Variants in LIPA observed in about 807,000 individuals in gnomAD.
LIPA encodes lysosomal acid lipase/cholesteryl ester hydrolase.
Under a neutral mutation model 40.6 loss-of-function variants are expected in LIPA, and 26 were observed. The observed-to-expected ratio is 0.64, with a 90% CI of 0.47 to 0.89. The LOEUF is 0.89. Ranked by LOEUF, LIPA falls within the 40% of genes least tolerant of loss-of-function variation. LIPA has a pLI of 0.00. For synonymous variants in LIPA, 188 were observed against 168.4 expected (o/e 1.12, Z -0.90); for missense variants, 455 against 479.6 (o/e 0.95, Z 0.48).
At chr10:89,379,282 A>G (rs1844144041) in intron 2 of LIPA, among the ~76,000 whole-genome samples, 1 of 152,218 alleles carries the variant, frequency 6.6e-6, no homozygotes, top group South Asian at 2.1e-4. Context: ...GGTAGCAGAA[A>G]TGCAAATTCT....
chr10:89,407,046 C>T (rs1249499111), intron 2 of LIPA, among the ~76,000 whole-genome samples: 1 of 152,260 alleles, frequency 6.6e-6, no homozygotes, highest in African/African-American at 2.4e-5. Flanking sequence ...TCTCTAACAA[C>T]CCCCAACTCT....
chr10:89,218,284 A>G (rs1842653540), intron 8 of LIPA, among the ~76,000 whole-genome samples: 1 of 152,218 alleles, frequency 6.6e-6, no homozygotes, highest in Non-Finnish European at 1.5e-5. Context: ...CATCCTAAGA[A>G]AACACTCTAA....
At chr10:89,345,399 G>T (rs899766267), upstream of LIPA, among the ~76,000 whole-genome samples, 3 of 151,740 alleles carry the variant, frequency 2.0e-5, no homozygotes, top group African/African-American at 7.3e-5. Context: ...TGTGGTGATG[G>T]GTGCCTGTAA....
At chr10:89,232,516 T>C (rs571904541) in intron 3 of LIPA, among the ~76,000 whole-genome samples, 2 of 152,322 alleles carry the variant, frequency 1.3e-5, no homozygotes, top group South Asian at 2.1e-4. Flanking sequence ...GCCTCTGTAG[T>C]TAACACGGAA....
intron 1 of LIPA, among the ~76,000 whole-genome samples, chr10:89,322,608 C>T (rs59957944): frequency 0.042 from 6,141 of 147,544 alleles, 430 homozygotes; most frequent in African/African-American, 0.14. Context: ...GGCAGAGAGC[C>T]CCCCAGACAT....
chr10:89,230,697 A>C (rs1465733727), intron 3 of LIPA, among the ~76,000 whole-genome samples: 2 of 152,194 alleles, frequency 1.3e-5, no homozygotes, highest in African/African-American at 4.8e-5. Context: ...CATCTCCTAA[A>C]ATTAATATAA....
intron 2 of LIPA, among the ~76,000 whole-genome samples, chr10:89,390,796 T>C (rs2133609030): frequency 6.6e-6 from 1 of 152,358 alleles, no homozygotes; most frequent in South Asian, 2.1e-4. Flanking sequence ...AAACTTTTTG[T>C]TCATATCTCT....
chr10:89,271,707 G>T (rs528504834), intron 1 of LIPA, among the ~76,000 whole-genome samples: 6 of 152,300 alleles, frequency 3.9e-5, no homozygotes, highest in African/African-American at 1.4e-4. Context: ...ACCAGATAAG[G>T]AGTCATGACA....
rs1272556427 is a variant in LIPA at position 89,389,065 on chromosome 10, T to A, written c.61+23726A>T. ...CATACAGTGGTCAGAACACTGAGAA[T>A]TACATTCCTCAGAAAATAGGCTATA... On this transcript the variant is annotated intron_variant, in intron 2 of 8. Coordinates refer to the LIPA transcript ENST00000371837. Among the ~76,000 whole-genome samples, 4 of 152,316 alleles carry A rather than the reference T, an allele frequency of 2.6e-5. No individual in the cohort carries two copies. The East Asian group carries it at 7.7e-4, about 29-fold the overall frequency.
intron 1 of LIPA, among the ~76,000 whole-genome samples, chr10:89,296,801 C>G (rs1189244431): frequency 6.6e-6 from 1 of 152,120 alleles, no homozygotes; most frequent in Non-Finnish European, 1.5e-5. Context: ...CTATTATTTT[C>G]TTTTGGGCCT....
intron 1 of LIPA, among the ~76,000 whole-genome samples, chr10:89,272,205 C>T (rs971081789): frequency 2.6e-5 from 4 of 152,186 alleles, no homozygotes; most frequent in Admixed American, 1.3e-4. Flanking sequence ...AGGTATTAAG[C>T]GTAGTACCCA....
intron 1 of LIPA, among the ~76,000 whole-genome samples, chr10:89,326,318 T>C (rs1308367029): frequency 6.6e-6 from 1 of 152,146 alleles, no homozygotes; most frequent in Non-Finnish European, 1.5e-5. Context: ...TCATTATAAG[T>C]GAATTAAGCC....
At chr10:89,346,294 A>G (rs1843920435), upstream of LIPA, among the ~76,000 whole-genome samples, 2 of 152,236 alleles carry the variant, frequency 1.3e-5, no homozygotes, top group African/African-American at 4.8e-5. Flanking sequence ...AATAATCTTT[A>G]AGACAGGAAA....
At chr10:89,306,285 T>TC (rs780442192) in intron 1 of LIPA, 1 of 1,614,140 alleles carries the variant, frequency 6.2e-7, no homozygotes, top group Non-Finnish European at 8.5e-7. Flanking sequence ...ATGGGCCGAC[T>TC]CTCAGACGTT....
At chr10:89,384,294 C>T in intron 2 of LIPA, 1 of 1,614,122 alleles carries the variant, frequency 6.2e-7, no homozygotes, top group Non-Finnish European at 8.5e-7. Flanking sequence ...TGGCTATATG[C>T]AAATTTGAAA....
chr10:89,228,121 A>C, intron 4 of LIPA, 79 bp downstream of exon 4: 1 of 1,216,890 alleles, frequency 8.2e-7, no homozygotes, highest in Admixed American at 1.7e-5. Flanking sequence ...CCACCTATCT[A>C]CCTCTTCTGC....
intron 2 of LIPA, among the ~76,000 whole-genome samples, chr10:89,349,380 C>T (rs1050093725): frequency 2.6e-5 from 4 of 152,148 alleles, no homozygotes; most frequent in African/African-American, 7.2e-5. Flanking sequence ...GGGTTTGGGG[C>T]GTTAACTTTC....
At chr10:89,339,766 A>G (rs1843825579) in intron 1 of LIPA, 1 of 1,614,082 alleles carries the variant, frequency 6.2e-7, no homozygotes, top group African/African-American at 1.3e-5. Flanking sequence ...TCAGAAATAT[A>G]ATGGGAAGTC....
chr10:89,380,590 G>A (rs1316948371), intron 2 of LIPA, among the ~76,000 whole-genome samples: 4 of 151,868 alleles, frequency 2.6e-5, no homozygotes, highest in Non-Finnish European at 5.9e-5. Flanking sequence ...TGCATCGCCA[G>A]GCCCGGCTAA....
Sources: allele counts gnomAD v4.1 joint callset (sites outside exome capture counted in the v4.1 genomes callset), GRCh38; gene constraint gnomAD v4.1.1; transcripts MANE v1.5; gene names NCBI Gene and HGNC (gene_info 2026-07-23, HGNC 2026-07-21).